Variants in CDH13 observed in about 807,000 individuals in gnomAD.
The protein encoded by CDH13 is cadherin 13, also known as cadherin-13.
CDH13 carries 24 observed loss-of-function variants against 63.8 expected under a neutral mutation model. The observed-to-expected ratio is 0.38, with a 90% CI of 0.27 to 0.53. The LOEUF is 0.53. Ranked by LOEUF, CDH13 falls within the 20% of genes least tolerant of loss-of-function variation. The pLI, the probability that CDH13 is intolerant of heterozygous loss-of-function variation, is 0.85. For synonymous variants in CDH13, 503 were observed against 355.3 expected (o/e 1.42, Z -4.67); for missense variants, 1,049 against 903.1 (o/e 1.16, Z -2.07).
intron 5 of CDH13, among the ~76,000 whole-genome samples, chr16:83,298,734 C>G (rs2089661741): frequency 6.6e-6 from 1 of 152,170 alleles, no homozygotes; most frequent in Admixed American, 6.5e-5. Flanking sequence ...GCTCAGATGG[C>G]CCCAGAGTAA....
At chr16:83,505,294 T>C (rs576077504) in intron 7 of CDH13, among the ~76,000 whole-genome samples, 12 of 152,314 alleles carry the variant, frequency 7.9e-5, no homozygotes, top group African/African-American at 2.9e-4. Flanking sequence ...CGAAGGATAA[T>C]TCAATCTATC....
chr16:83,114,626 C>T (rs914119442), intron 3 of CDH13, among the ~76,000 whole-genome samples: 30 of 152,148 alleles, frequency 2.0e-4, no homozygotes, highest in African/African-American at 6.8e-4. Context: ...CTTAGTTTTG[C>T]TGATATGTGG....
chr16:82,989,528 T>C (rs560044031), intron 2 of CDH13, among the ~76,000 whole-genome samples: 3 of 152,154 alleles, frequency 2.0e-5, no homozygotes, highest in Admixed American at 6.5e-5. Context: ...AGGCTGGGAA[T>C]CCAGTCATGT....
At chr16:82,702,799 G>GC (rs1290603272) in intron 1 of CDH13, among the ~76,000 whole-genome samples, 1 of 152,094 alleles carries the variant, frequency 6.6e-6, no homozygotes, top group Admixed American at 6.5e-5. Flanking sequence ...GAACCCTGTG[G>GC]CCCCCAGGGT....
chr16:83,045,102 G>A (rs545934285), intron 3 of CDH13, among the ~76,000 whole-genome samples: 2 of 152,162 alleles, frequency 1.3e-5, no homozygotes, highest in Non-Finnish European at 2.9e-5. Context: ...GGTCACTGCC[G>A]GCTTTGCGGT....
At chr16:83,528,607 A>G (rs897640651) in intron 7 of CDH13, among the ~76,000 whole-genome samples, 3 of 152,140 alleles carry the variant, frequency 2.0e-5, no homozygotes, top group Non-Finnish European at 4.4e-5. Flanking sequence ...TAAATATTAG[A>G]TCATCTGTCT....
In CDH13 at chr16:83,626,202, G is replaced by C. The variant is rs550232153; in HGVS notation, c.1101+23608G>C. Reference sequence around the variant, plus strand: ...TTTTTAAATTTCTTCAGCTGATTTTGCCGTACCGCGTGTGCCGGTTTCATC... The same window carrying C: ...TTTTTAAATTTCTTCAGCTGATTTTCCCGTACCGCGTGTGCCGGTTTCATC... On this transcript the variant is annotated intron_variant, in intron 8 of 13. Transcript: ENST00000567109. 1.2e-4 allele frequency among the ~76,000 whole-genome samples: 18 copies of C among 152,172 alleles called. 1 individual carries two copies. The East Asian group carries it at 3.5e-3, about 29-fold the overall frequency.
chr16:83,196,751 C>A (rs1169135830), intron 4 of CDH13, among the ~76,000 whole-genome samples: 1 of 152,166 alleles, frequency 6.6e-6, no homozygotes, highest in Middle Eastern at 3.2e-3. Flanking sequence ...CCGGTACACA[C>A]CTATTAGAAC....
At chr16:83,106,931 G>T (rs906896603) in intron 3 of CDH13, among the ~76,000 whole-genome samples, 1 of 151,990 alleles carries the variant, frequency 6.6e-6, no homozygotes, top group African/African-American at 2.4e-5. Flanking sequence ...TGGTGTGGCA[G>T]TATGAGCCCA....
At chr16:83,389,949 T>C (rs2091753603) in intron 6 of CDH13, among the ~76,000 whole-genome samples, 1 of 152,256 alleles carries the variant, frequency 6.6e-6, no homozygotes. Context: ...TAATGGGATC[T>C]GAGCTCGGCT....
At chr16:83,576,797 TG>T (rs2150714835) in intron 7 of CDH13, among the ~76,000 whole-genome samples, 1 of 152,368 alleles carries the variant, frequency 6.6e-6, no homozygotes, top group South Asian at 2.1e-4. Flanking sequence ...ATTGGCCATT[TG>T]TATATCTTCT....
At chr16:83,364,528 A>G (rs1412182951) in intron 6 of CDH13, among the ~76,000 whole-genome samples, 1 of 152,170 alleles carries the variant, frequency 6.6e-6, no homozygotes, top group African/African-American at 2.4e-5. Flanking sequence ...AGACCATGTG[A>G]ACCTGTCTAT....
chr16:82,936,364 T>C (rs2042667704), intron 2 of CDH13, among the ~76,000 whole-genome samples: 1 of 152,134 alleles, frequency 6.6e-6, no homozygotes, highest in Admixed American at 6.5e-5. Flanking sequence ...GTGAACCCTA[T>C]TGTGAATTGT....
chr16:83,532,669 A>G (rs1488468833), intron 7 of CDH13, among the ~76,000 whole-genome samples: 1 of 152,214 alleles, frequency 6.6e-6, no homozygotes, highest in Non-Finnish European at 1.5e-5. Context: ...CAATCTCTGC[A>G]GTGGCTTGCA....
intron 6 of CDH13, among the ~76,000 whole-genome samples, chr16:83,436,381 G>A (rs2072304753): frequency 6.6e-6 from 1 of 152,100 alleles, no homozygotes; most frequent in Admixed American, 6.6e-5. Context: ...TGGAGAGGGA[G>A]GATCGCTTGA....
At chr16:82,963,756 G>A (rs533811076) in intron 2 of CDH13, among the ~76,000 whole-genome samples, 1 of 152,294 alleles carries the variant, frequency 6.6e-6, no homozygotes, top group East Asian at 1.9e-4. Flanking sequence ...CTCTGCATGT[G>A]TTAGTGACAT....
chr16:83,205,339 G>A (rs1414078702), intron 4 of CDH13, among the ~76,000 whole-genome samples: 1 of 151,942 alleles, frequency 6.6e-6, no homozygotes, highest in Non-Finnish European at 1.5e-5. Context: ...GTACTGATTG[G>A]CAATTTGGGG....
intron 4 of CDH13, 122 bp downstream of exon 4, chr16:83,125,623 C>G: frequency 1.8e-6 from 1 of 558,164 alleles, no homozygotes. Flanking sequence ...TGATAAGAGA[C>G]CAAATGGTTT....
intron 9 of CDH13, among the ~76,000 whole-genome samples, chr16:83,672,101 G>A (rs930268959): frequency 1.3e-5 from 2 of 152,196 alleles, no homozygotes; most frequent in Non-Finnish European, 2.9e-5. Context: ...CCCACTCCCT[G>A]TGTGCCCTTG....
Sources: allele counts gnomAD v4.1 joint callset (sites outside exome capture counted in the v4.1 genomes callset), GRCh38; gene constraint gnomAD v4.1.1; transcripts MANE v1.5; gene names NCBI Gene and HGNC (gene_info 2026-07-23, HGNC 2026-07-21).